BMP8A: variants seen among roughly 807,000 people sequenced by gnomAD.
The protein encoded by BMP8A is BMP-8A.
A neutral mutation model predicts 36.8 loss-of-function variants in BMP8A; 14 were observed. That is an observed-to-expected ratio of 0.38 (90% confidence interval 0.25 to 0.60). The LOEUF (loss-of-function observed/expected upper bound fraction) is 0.60. BMP8A is among the 20% of genes least tolerant of loss of function. BMP8A has a pLI of 0.63. For synonymous variants in BMP8A, 120 were observed against 237.7 expected (o/e 0.50, Z 4.55); for missense variants, 267 against 551.1 (o/e 0.48, Z 5.16).
rs1183659458 is a variant in BMP8A at position 39,515,043 on chromosome 1, C to T, written c.673+3139C>T. The T allele has an allele frequency of 2.6e-5, 41 of 1,564,534 alleles. No homozygotes were observed. In the East Asian group the frequency reaches 4.8e-4, roughly 18 times the overall value. On this transcript the variant is annotated intron_variant, in intron 3 of 6. Coordinates refer to ENST00000331593, the MANE Select transcript of BMP8A (RefSeq NM_181809.4). ...GCTCGCGCTGTCCCAGGGCTGCGCC[C>T]GCTGCTTTGCCACCAGTCCCCGGCC...
chr1:39,522,461 C>T lies in BMP8A; in HGVS notation c.927C>T (p.Ser309=). The part of the protein sequence containing the change: ...QVCRRHELYV[S]FQDLGWLDWV... ...GCCGTCGGCACGAGCTCTACGTCAG[C>T]TTCCAGGACCTTGGCTGGCTGGTAA... is the stretch of plus-strand genomic sequence containing the variant. The change falls in exon 5 of 7, where the codon AGC becomes AGT. Residue 309 remains serine (S), a synonymous_variant. Coordinates refer to ENST00000331593, the MANE Select transcript of BMP8A (RefSeq NM_181809.4). 6.2e-7 allele frequency: 1 copy of T among 1,613,814 alleles called. No individual in the cohort carries two copies. Among genetic ancestry groups the T allele is most frequent in the Non-Finnish European group, 8.5e-7 (1 of 1,179,812 alleles).
intron 1 of BMP8A, among the ~76,000 whole-genome samples, chr1:39,493,442 T>C (rs1645179223): frequency 1.3e-5 from 2 of 152,200 alleles, no homozygotes; most frequent in Non-Finnish European, 2.9e-5. Context: ...CATCCAGGGC[T>C]CAATGAGATG....
At position 39,527,391 on chromosome 1, in the gene BMP8A, G is replaced by A. The variant is rs947351753; in HGVS notation, c.*1593G>A. Among the ~76,000 whole-genome samples the A allele has an allele frequency of 6.6e-6, 1 of 152,172 alleles. No homozygotes were observed. The highest frequency in any genetic ancestry group is 2.4e-5 in the African/African-American group (1 of 41,450). ...CAGACAGAGTCCAGCTGCCCAAACC[G>A]TGTCATTAAAAGCAGATCCTGGGCC... is the stretch of plus-strand genomic sequence containing the variant. On this transcript the variant is annotated 3_prime_UTR_variant, in exon 7 of 7. Transcript: ENST00000331593.
rs775632514 is a variant in BMP8A at position 39,527,439 on chromosome 1, T to C, written c.*1641T>C. ...GCCCGCCCCATCCACAGGCACAGCC[T>C]GGCAGAGTGGTTCCACCTCCCCATG... is the stretch of plus-strand genomic sequence containing the variant. On this transcript the variant is annotated 3_prime_UTR_variant, in exon 7 of 7. Coordinates refer to ENST00000331593, the MANE Select transcript of BMP8A (RefSeq NM_181809.4). Among the ~76,000 whole-genome samples, 17 of 152,230 alleles carry C rather than the reference T, an allele frequency of 1.1e-4. No individual in the cohort carries two copies. Among genetic ancestry groups the C allele is most frequent in the Non-Finnish European group, 2.2e-4 (15 of 68,030 alleles).
At chr1:39,517,154 T>A (rs1645400587) in intron 3 of BMP8A, among the ~76,000 whole-genome samples, 1 of 151,880 alleles carries the variant, frequency 6.6e-6, no homozygotes, top group Non-Finnish European at 1.5e-5. Flanking sequence ...CCTGCTTATT[T>A]TTTTTTATTT....
rs576784158 is a variant in BMP8A, at chr1:39,524,584, T to C, written c.1060-1065T>C. 6.6e-6 allele frequency among the ~76,000 whole-genome samples: 1 copy of C among 151,716 alleles called. No homozygotes were observed. Among genetic ancestry groups the C allele is most frequent in the Admixed American group, 6.6e-5 (1 of 15,262 alleles). Reference sequence around the variant, plus strand: ...GCCAGCAGGGAGGAGAGGGGCTGGGTGCAGTGAAGGGGAGGAGAGTGGAGG... The same window carrying C: ...GCCAGCAGGGAGGAGAGGGGCTGGGCGCAGTGAAGGGGAGGAGAGTGGAGG... On this transcript the variant is annotated intron_variant, in intron 6 of 6. Coordinates refer to ENST00000331593, the MANE Select transcript of BMP8A (RefSeq NM_181809.4). This position sits in a 1 kb window ranked among gnomAD's most constrained non-coding sequence, Gnocchi z 4.0.
At position 39,527,971 on chromosome 1, in the gene BMP8A, T is replaced by C. The variant is rs1390213416; in HGVS notation, c.*2173T>C. The stretch of plus-strand genomic sequence containing the variant: ...ATAGGACTTGGGGCCTATCTGCCAT[T>C]GCAGGACCTGATTTAACAGCTCTCT... On this transcript the variant is annotated 3_prime_UTR_variant, in exon 7 of 7. Transcript: ENST00000331593. Among the ~76,000 whole-genome samples the C allele has an allele frequency of 1.3e-5, 2 of 152,228 alleles. No individual in the cohort carries two copies. Among genetic ancestry groups the C allele is most frequent in the African/African-American group, 2.4e-5 (1 of 41,464 alleles).
chr1:39,492,493 G>A (rs1645169746), intron 1 of BMP8A, among the ~76,000 whole-genome samples, 168 bp downstream of exon 1: 1 of 152,312 alleles, frequency 6.6e-6, no homozygotes, highest in East Asian at 1.9e-4. Context: ...AGGGTCATGG[G>A]GGCCCCCTGG....
intron 1 of BMP8A, among the ~76,000 whole-genome samples, chr1:39,501,338 G>T (rs1274769839): frequency 1.3e-5 from 2 of 152,158 alleles, no homozygotes; most frequent in African/African-American, 2.4e-5. Context: ...GTAGCAAGGG[G>T]TATATTATCT....
intron 5 of BMP8A, 55 bp from the exon 6 acceptor site, chr1:39,522,952 C>T: frequency 6.7e-7 from 1 of 1,489,952 alleles, no homozygotes; most frequent in Non-Finnish European, 9.1e-7. Flanking sequence ...GGTTTGGGCC[C>T]TGAGGCTCAG....
rs576449434 is a variant in BMP8A, at chr1:39,515,813, G to A, written c.673+3909G>A. On this transcript the variant is annotated intron_variant, in intron 3 of 6. Transcript: ENST00000331593. Reference sequence around the variant, plus strand: ...CCGGAAAGAGGAAGATGGAGACGCTGGAAAGGAAGAGGACGCCAGGACGCG... The same window carrying A: ...CCGGAAAGAGGAAGATGGAGACGCTAGAAAGGAAGAGGACGCCAGGACGCG... 2.5e-5 allele frequency: 40 copies of A among 1,590,668 alleles called. 6 individuals are homozygous for A. Among genetic ancestry groups the A allele is most frequent in the Admixed American group, 6.8e-5 (4 of 58,448 alleles).
In BMP8A at chr1:39,527,562, A is replaced by G. The variant is rs1014488701; in HGVS notation, c.*1764A>G. 2.6e-5 allele frequency among the ~76,000 whole-genome samples: 4 copies of G among 152,158 alleles called. No individual in the cohort carries two copies. The highest frequency in any genetic ancestry group is 5.9e-5 in the Non-Finnish European group (4 of 68,006). ...CAGCAGGGGTGGAGGCTGGGGCCAC[A>G]CTGCGGGACAGCAGCCCCTCCACCT... On this transcript the variant is annotated 3_prime_UTR_variant, in exon 7 of 7. Transcript: ENST00000331593.
rs566158419 is a variant in BMP8A at position 39,523,333 on chromosome 1, G to A, written c.1059+216G>A. ...ACACATAGACCCACACCCAAACACG[G>A]ACACACGTGAACAGTCGCGTATGCA... On this transcript the variant is annotated intron_variant, in intron 6 of 6. Coordinates refer to ENST00000331593, the MANE Select transcript of BMP8A (RefSeq NM_181809.4). Among the ~76,000 whole-genome samples the A allele has an allele frequency of 2.0e-5, 3 of 152,270 alleles. No homozygotes were observed. The East Asian group carries it at 5.8e-4, about 29-fold the overall frequency.
rs750239691 is a variant in BMP8A at position 39,524,192 on chromosome 1, G to A, written c.1059+1075G>A. 3.9e-5 allele frequency among the ~76,000 whole-genome samples: 6 copies of A among 152,176 alleles called. No homozygotes were observed. The highest frequency in any genetic ancestry group is 6.5e-5 in the Admixed American group (1 of 15,280). On this transcript the variant is annotated intron_variant, in intron 6 of 6. Coordinates refer to ENST00000331593, the MANE Select transcript of BMP8A (RefSeq NM_181809.4). This position sits in a 1 kb window ranked among gnomAD's most constrained non-coding sequence, Gnocchi z 4.0. Reference sequence around the variant, plus strand: ...GCCTGGCCCAGCCACCCTTTATGCCGTGTGGTTCTCACAGCTGCATGTGTG... The same window carrying A: ...GCCTGGCCCAGCCACCCTTTATGCCATGTGGTTCTCACAGCTGCATGTGTG...
intron 3 of BMP8A, among the ~76,000 whole-genome samples, chr1:39,518,310 G>A (rs1645408603): frequency 7.1e-6 from 1 of 140,852 alleles, no homozygotes; most frequent in African/African-American, 2.8e-5. Flanking sequence ...GGGAAGGAGA[G>A]CAGGGCAGGG....
chr1:39,496,756 G>T (rs1328801350), intron 1 of BMP8A, among the ~76,000 whole-genome samples: 2 of 152,172 alleles, frequency 1.3e-5, no homozygotes, highest in Non-Finnish European at 2.9e-5. Flanking sequence ...TCCACCCCAG[G>T]CCAGGTCCCC....
intron 1 of BMP8A, among the ~76,000 whole-genome samples, chr1:39,504,982 G>A (rs900413061): frequency 5.3e-4 from 80 of 152,140 alleles, no homozygotes; most frequent in African/African-American, 1.8e-3. Context: ...CAGTATTGTC[G>A]CCAGCATGTC....
chr1:39,522,558 T>C (rs1645437073), intron 5 of BMP8A, 76 bp downstream of exon 5: 20 of 1,479,710 alleles, frequency 1.4e-5, no homozygotes, highest in Admixed American at 6.3e-5. Flanking sequence ...AGGGAGGACA[T>C]AGAATCATGG....
intron 1 of BMP8A, among the ~76,000 whole-genome samples, chr1:39,509,812 G>A (rs1223943142): frequency 6.6e-6 from 1 of 152,240 alleles, no homozygotes; most frequent in Non-Finnish European, 1.5e-5. Context: ...TCAGTGTTGG[G>A]TTTTGGGGAA....
Sources: gnomAD v4.1 joint callset for allele counts (sites outside exome capture counted in the v4.1 genomes callset) on GRCh38, gnomAD v4.1.1 for gene constraint, Gnocchi (gnomAD v3.1) non-coding constraint, MANE v1.5 for transcripts, NCBI Gene and HGNC (gene_info 2026-07-23, HGNC 2026-07-21) for gene names.